Variants in OPCML observed in about 807,000 individuals in gnomAD.
OPCML encodes the protein opioid-binding protein/cell adhesion molecule.
Under a neutral mutation model 37.8 loss-of-function variants are expected in OPCML, and 13 were observed. The ratio of observed to expected loss-of-function variants is 0.34; its 90% CI spans 0.22 to 0.55. The LOEUF (loss-of-function observed/expected upper bound fraction) is 0.55, where lower values mean the gene tolerates loss of function less well. OPCML is among the 20% of genes least tolerant of loss of function. OPCML has a pLI of 0.91. For missense variants in OPCML, 341 were observed against 435.6 expected, an observed-to-expected ratio of 0.78 and a Z score of 1.93; for synonymous variants, 176 against 168.8, an observed-to-expected ratio of 1.04 and a Z score of -0.33.
chr11:132,594,357 T>C (rs1460339969), intron 3 of OPCML, among the ~76,000 whole-genome samples: 1 of 152,206 alleles, frequency 6.6e-6, no homozygotes, highest in Non-Finnish European at 1.5e-5. Flanking sequence ...TGCTATCCGA[T>C]GCTGTCAATA....
chr11:132,856,378 T>C (rs1046646855), intron 2 of OPCML, among the ~76,000 whole-genome samples: 1 of 152,078 alleles, frequency 6.6e-6, no homozygotes, highest in African/African-American at 2.4e-5. Flanking sequence ...AGTGATTGTG[T>C]TAGGGTAAGT....
chr11:133,506,528 G>A lies in OPCML; in HGVS notation c.61+25736C>T, dbSNP rs566572492. Among the ~76,000 whole-genome samples the A allele has an allele frequency of 5.8e-4, 89 of 152,270 alleles. 1 individual carries two copies. Among genetic ancestry groups the A allele is most frequent in the South Asian group, 4.8e-3 (23 of 4,826 alleles). On this transcript the variant is annotated intron_variant, in intron 1 of 7. Coordinates refer to ENST00000524381, the MANE Select transcript of OPCML (RefSeq NM_001012393.5). ...CCTCTGCTCCTCTACCTGCTCTGGC[G>A]TTGTGATCCCTCAGGAAATCTGTGA...
chr11:132,643,600 A>G (rs1940983867), intron 3 of OPCML, among the ~76,000 whole-genome samples: 1 of 151,918 alleles, frequency 6.6e-6, no homozygotes, highest in Non-Finnish European at 1.5e-5. Context: ...CACATCCTCC[A>G]TTTGTACATC....
At chr11:132,925,280 T>C (rs1944949483) in intron 2 of OPCML, among the ~76,000 whole-genome samples, 2 of 152,252 alleles carry the variant, frequency 1.3e-5, no homozygotes, top group Admixed American at 6.5e-5. Context: ...ATGCTGATGT[T>C]TTCTCTGTCT....
intron 3 of OPCML, among the ~76,000 whole-genome samples, chr11:132,590,470 C>T (rs1335374377): frequency 6.6e-6 from 1 of 152,102 alleles, no homozygotes; most frequent in Non-Finnish European, 1.5e-5. Flanking sequence ...ATATCAATAA[C>T]AATAACCAGA....
Position 132,754,171 on chromosome 11 carries a change from G to A in OPCML, c.147-96852C>T, listed in dbSNP as rs990556376. Among the ~76,000 whole-genome samples the A allele has an allele frequency of 2.7e-3, 404 of 152,298 alleles. 1 individual carries two copies. Among genetic ancestry groups the A allele is most frequent in the African/African-American group, 8.8e-3 (366 of 41,578 alleles). ...GCCTCCAACAGTAAGAGGTGTTTCA[G>A]AAGCCACAAAGACTAATAAGGTACT... On this transcript the variant is annotated intron_variant, in intron 2 of 7. Transcript: ENST00000524381.
Position 133,324,787 on chromosome 11 carries a change from C to A in OPCML, c.61+207477G>T, listed in dbSNP as rs368112741. On this transcript the variant is annotated intron_variant, in intron 1 of 7. Transcript: ENST00000524381. ...CAATACTTTCTTGCCCACAGAGAATCTAATTTTAGTGTAGAGATGTATAAA... is the reference window on the plus strand; with the variant it reads ...CAATACTTTCTTGCCCACAGAGAATATAATTTTAGTGTAGAGATGTATAAA... 1.3e-4 allele frequency among the ~76,000 whole-genome samples: 20 copies of A among 152,058 alleles called. 1 individual carries two copies. In the East Asian group the frequency reaches 3.7e-3, roughly 28 times the overall value.
chr11:132,959,579 C>T (rs57662969), intron 1 of OPCML, among the ~76,000 whole-genome samples: 7,446 of 152,184 alleles, frequency 0.049, 614 homozygotes, highest in African/African-American at 0.17. Context: ...TTAGATGGCA[C>T]AGAGAGTGGA....
At position 132,743,249 on chromosome 11, in the gene OPCML, A is replaced by G. The variant is rs573277309; in HGVS notation, c.147-85930T>C. ...TTGGTTATTACTTCATTATTCAACCATACAGAAAATGGTAAATACTTGAGA... is the reference window on the plus strand; with the variant it reads ...TTGGTTATTACTTCATTATTCAACCGTACAGAAAATGGTAAATACTTGAGA... On this transcript the variant is annotated intron_variant, in intron 2 of 7. Transcript: ENST00000524381. Among the ~76,000 whole-genome samples, 19 of 152,272 alleles carry G rather than the reference A, an allele frequency of 1.2e-4. No individual in the cohort carries two copies. The South Asian group carries it at 3.5e-3, about 28-fold the overall frequency.
At chr11:132,574,794 A>G (rs2096446550) in intron 3 of OPCML, among the ~76,000 whole-genome samples, 1 of 151,884 alleles carries the variant, frequency 6.6e-6, no homozygotes, top group South Asian at 2.1e-4. Context: ...TGTGGTGTTA[A>G]GTCCTTGGTT....
At chr11:132,565,932 CTG>C (rs2096421912) in intron 3 of OPCML, among the ~76,000 whole-genome samples, 1 of 152,172 alleles carries the variant, frequency 6.6e-6, no homozygotes. Context: ...ACTCGAGAGA[CTG>C]TGGCAGGAGA....
At chr11:133,272,370 G>A (rs1165138684) in intron 1 of OPCML, among the ~76,000 whole-genome samples, 2 of 151,996 alleles carry the variant, frequency 1.3e-5, no homozygotes, top group African/African-American at 2.4e-5. Flanking sequence ...AGACAGTGCT[G>A]TACAGCATTA....
At chr11:132,655,117 G>A (rs553725264) in intron 3 of OPCML, among the ~76,000 whole-genome samples, 1 of 152,184 alleles carries the variant, frequency 6.6e-6, no homozygotes, top group Admixed American at 6.5e-5. Context: ...ACTTTGATTT[G>A]CTTATATCAT....
At position 132,478,078 on chromosome 11, in the gene OPCML, G is replaced by A. The variant is rs569357562; in HGVS notation, c.506-40719C>T. ...AAGTTAGAAATTCAGCAAGTTTGCA[G>A]AATATACTCACATGTAAAGTAAAAG... On this transcript the variant is annotated intron_variant, in intron 4 of 7. Coordinates refer to ENST00000524381, the MANE Select transcript of OPCML (RefSeq NM_001012393.5). 3.9e-5 allele frequency among the ~76,000 whole-genome samples: 6 copies of A among 152,204 alleles called. 2 individuals carry two copies. The highest frequency in any genetic ancestry group is 1.4e-4 in the African/African-American group (6 of 41,558).
chr11:133,315,052 T>C (rs1173093808), intron 1 of OPCML, among the ~76,000 whole-genome samples: 1 of 152,066 alleles, frequency 6.6e-6, no homozygotes, highest in Non-Finnish European at 1.5e-5. Context: ...ATGTAAAACC[T>C]AACTAAATAA....
At chr11:132,780,503 T>A (rs1394049365) in intron 2 of OPCML, among the ~76,000 whole-genome samples, 1 of 152,192 alleles carries the variant, frequency 6.6e-6, no homozygotes, top group African/African-American at 2.4e-5. Flanking sequence ...CTAAGACTAT[T>A]GCTTGATGCT....
At chr11:133,389,819 A>C (rs1051652811) in intron 1 of OPCML, among the ~76,000 whole-genome samples, 2 of 152,230 alleles carry the variant, frequency 1.3e-5, no homozygotes, top group East Asian at 1.9e-4. Context: ...TTCATGGTGC[A>C]TAGCACATGG....
intron 1 of OPCML, among the ~76,000 whole-genome samples, chr11:132,956,750 G>A (rs150630984): frequency 6.6e-5 from 10 of 152,154 alleles, no homozygotes; most frequent in African/African-American, 2.2e-4. Flanking sequence ...TTCTGTATTC[G>A]ACCCTAAAAG....
intron 4 of OPCML, among the ~76,000 whole-genome samples, chr11:132,438,038 T>C (rs1470852777): frequency 1.3e-5 from 2 of 152,228 alleles, no homozygotes; most frequent in African/African-American, 2.4e-5. Flanking sequence ...AATAGCCTAG[T>C]GGATTTAATA....
Sources: gnomAD v4.1 joint callset for allele counts (sites outside exome capture counted in the v4.1 genomes callset) on GRCh38, gnomAD v4.1.1 for gene constraint, MANE v1.5 for transcripts, NCBI Gene and HGNC (gene_info 2026-07-23, HGNC 2026-07-21) for gene names.